Variants in LRRC75B observed in about 807,000 individuals in gnomAD.
LRRC75B encodes leucine-rich repeat-containing protein 75B.
LRRC75B carries 20 observed loss-of-function variants against 16.5 expected under a neutral mutation model. The observed-to-expected ratio is 1.21, with a 90% CI of 0.85 to 1.76. LRRC75B has a LOEUF of 1.76. LRRC75B is among the 40% of genes most tolerant of loss of function. The probability of loss-of-function intolerance (pLI) is 0.00; values close to 1 mark genes in which losing one functional copy is unlikely to be tolerated. For synonymous variants in LRRC75B, 199 were observed against 198.1 expected (o/e 1.00, Z -0.04); for missense variants, 406 against 417.0 (o/e 0.97, Z 0.23).
intron 1 of LRRC75B, among the ~76,000 whole-genome samples, chr22:24,591,667 C>T (rs537113804): frequency 2.7e-4 from 41 of 152,322 alleles, no homozygotes; most frequent in African/African-American, 9.9e-4. Context: ...AGCTAAAATG[C>T]CCAACTGGTG....
intron 1 of LRRC75B, 98 bp from the exon 2 acceptor site, chr22:24,590,047 TC>T: frequency 7.5e-7 from 1 of 1,341,012 alleles, no homozygotes; most frequent in Non-Finnish European, 9.9e-7. Context: ...CGTTCCTGTC[TC>T]TCCATCTCCT....
At chr22:24,592,784 AGCCCC>A (rs1427443990) in intron 1 of LRRC75B, 74 bp downstream of exon 1, 1 of 1,265,022 alleles carries the variant, frequency 7.9e-7, no homozygotes, top group Admixed American at 4.0e-5. Flanking sequence ...CACAACCCAT[AGCCCC>A]GCGCCTCCCA....
Position 24,593,036 on chromosome 22 carries a change from C to G in LRRC75B, c.4G>C (p.Gly2Arg), listed in dbSNP as rs1056343972. Residue 2 changes from glycine (G) to arginine (R), a missense_variant, in exon 1 of 4, where the codon GGG becomes CGG. Transcript: ENST00000318753. Reference protein sequence around the residue: MGARLGRRAGPE... With the variant: MRARLGRRAGPE... ...CCGGCCCGCCGGCCCAGCCGCGCCC[C>G]CATGGCCGCCGCGCGATGGTCGCCG... The G allele has an allele frequency of 1.3e-5, 14 of 1,048,500 alleles. No homozygotes were observed. Among genetic ancestry groups the G allele is most frequent in the African/African-American group, 1.7e-5 (1 of 58,532 alleles). The allele number at this position is 1,048,500 out of a possible 1,614,324, so 64.9% of individuals were successfully genotyped here.
At position 24,588,690 on chromosome 22, in the gene LRRC75B, G is replaced by A. The variant is rs901260699; in HGVS notation, c.307-361C>T. 8 of 1,105,060 alleles carry A rather than the reference G, an allele frequency of 7.2e-6. No homozygotes were observed. The African/African-American group carries it at 1.1e-4, about 16-fold the overall frequency. 68.5% of individuals were successfully genotyped at this position (1,105,060 alleles called of 1,614,324 possible). ...CTTCGGGGACTTGCCACAGGGGGAG[G>A]AGGCCAGACCAGGCCCCTCGAGGGA... On this transcript the variant is annotated intron_variant, in intron 2 of 3. Coordinates refer to ENST00000318753, the MANE Select transcript of LRRC75B (RefSeq NM_207644.3).
At position 24,586,162 on chromosome 22, in the gene LRRC75B, A is replaced by G; in HGVS notation, c.672T>C (p.Thr224=). 1 of 1,613,582 alleles carries G rather than the reference A, an allele frequency of 6.2e-7. No individual in the cohort carries two copies. Among genetic ancestry groups the G allele is most frequent in the South Asian group, 1.1e-5 (1 of 91,092 alleles). The change falls in exon 4 of 4, where the codon ACT becomes ACC. Residue 224 remains threonine, a synonymous_variant. Transcript: ENST00000318753. ...TGATGGCATCAGTGAGCTTGCGGGCAGTGGCCCGCGTCAGTCGGTTGCCGT... is the reference window on the plus strand; with the variant it reads ...TGATGGCATCAGTGAGCTTGCGGGCGGTGGCCCGCGTCAGTCGGTTGCCGT... The part of the protein sequence containing the change: ...LLNGNRLTRA[T]ARKLTDAIKD...
intron 1 of LRRC75B, 172 bp downstream of exon 1, chr22:24,592,691 C>A: frequency 8.4e-7 from 1 of 1,186,378 alleles, no homozygotes; most frequent in Non-Finnish European, 1.1e-6. Context: ...CAAGACCCCG[C>A]GTGCTGCAGC....
intron 3 of LRRC75B, 32 bp downstream of exon 3, chr22:24,588,182 G>A (rs1379996599): frequency 6.6e-7 from 1 of 1,520,734 alleles, no homozygotes; most frequent in Non-Finnish European, 9.1e-7. Flanking sequence ...TGGAGCAGCA[G>A]TGAGGAGGGG....
At chr22:24,592,160 AT>A in intron 1 of LRRC75B, 2 of 392,398 alleles carry the variant, frequency 5.1e-6, no homozygotes, top group Admixed American at 2.7e-5. Flanking sequence ...TGCCCAGGTG[AT>A]TGGGGGGACC....
intron 3 of LRRC75B, 28 bp from the exon 4 acceptor site, chr22:24,586,439 A>C (rs1039836722): frequency 1.3e-6 from 2 of 1,587,780 alleles, no homozygotes; most frequent in Admixed American, 1.7e-5. Context: ...GTGGGGATGG[A>C]CTAGGCAACC....
chr22:24,588,145 T>C, intron 3 of LRRC75B, 69 bp downstream of exon 3: 2 of 1,195,948 alleles, frequency 1.7e-6, no homozygotes, highest in African/African-American at 3.0e-5. Flanking sequence ...TTGGTGAGAG[T>C]GCAGGTGTCA....
At position 24,588,485 on chromosome 22, in the gene LRRC75B, C is replaced by T. The variant is rs2045468303; in HGVS notation, c.307-156G>A. On this transcript the variant is annotated intron_variant, in intron 2 of 3. Transcript: ENST00000318753. ...ACCAGGGCCTCCCCCTCCTACCCCCCAACCCGGCTGTGGCCTGGCACAGAG... is the reference window on the plus strand; with the variant it reads ...ACCAGGGCCTCCCCCTCCTACCCCCTAACCCGGCTGTGGCCTGGCACAGAG... 3 of 767,568 alleles carry T rather than the reference C, an allele frequency of 3.9e-6. No homozygotes were observed. The Admixed American group carries it at 6.8e-5, about 18-fold the overall frequency. 47.5% of individuals were successfully genotyped at this position (767,568 alleles called of 1,614,324 possible).
chr22:24,586,038 G>A lies in LRRC75B; in HGVS notation c.796C>T (p.Arg266Trp), dbSNP rs777594887. The stretch of plus-strand genomic sequence containing the variant: ...GGGAGTGAGGTGCGCTGGCTCAGCC[G>A]CCGGCGCAGGCCGACCAGCAGGGGC... ...PQPLLVGLRR[R>W]LSQRTSLPTI... The change falls in exon 4 of 4, where the codon CGG (arginine) becomes TGG (tryptophan). Residue 266 changes from arginine to tryptophan, a missense_variant. By Grantham distance (101) the Arg-to-Trp change is moderately radical (BLOSUM62 -3). Coordinates refer to ENST00000318753, the MANE Select transcript of LRRC75B (RefSeq NM_207644.3). The A allele has an allele frequency of 2.2e-5, 36 of 1,611,006 alleles. No individual in the cohort carries two copies. Among genetic ancestry groups the A allele is most frequent in the Admixed American group, 6.7e-5 (4 of 59,998 alleles).
At chr22:24,591,140 T>G (rs1409980598) in intron 1 of LRRC75B, among the ~76,000 whole-genome samples, 1 of 152,208 alleles carries the variant, frequency 6.6e-6, no homozygotes, top group Non-Finnish European at 1.5e-5. Context: ...GGCGCAGTGG[T>G]GCGAGGTCAG....
chr22:24,592,652 C>T, intron 1 of LRRC75B: 2 of 787,170 alleles, frequency 2.5e-6, no homozygotes. Flanking sequence ...ACCCAGCCCT[C>T]ACTCCAGGCG....
chr22:24,589,839 G>T lies in LRRC75B; in HGVS notation c.288C>A (p.Asp96Glu). The T allele has an allele frequency of 6.2e-7, 1 of 1,613,550 alleles. No homozygotes were observed. Among genetic ancestry groups the T allele is most frequent in the South Asian group, 1.1e-5 (1 of 90,972 alleles). ...SHDLLVNLARDLQCPKKDYEL... is the reference protein window; with the variant it reads ...SHDLLVNLARELQCPKKDYEL... ...GCCTCACCTTCTTGGGGCACTGCAG[G>T]TCCCGGGCCAGGTTCACAAGCAGGT... Residue 96 changes from aspartate (D) to glutamate (E), a missense_variant, in exon 2 of 4, where the codon GAC (aspartate) becomes GAA (glutamate). Asp to Glu is a conservative substitution (Grantham distance 45, BLOSUM62 2). Transcript: ENST00000318753.
Position 24,593,028 on chromosome 22 carries a change from C to T in LRRC75B, c.12G>A (p.Arg4=). ...CCTCGGGCCCGGCCCGCCGGCCCAG[C>T]CGCGCCCCCATGGCCGCCGCGCGAT... MGA[R]LGRRAGPEAG... The change falls in exon 1 of 4, where the codon CGG becomes CGA. Residue 4 remains arginine (R), a synonymous_variant. Transcript: ENST00000318753. 9.4e-7 allele frequency: 1 copy of T among 1,060,266 alleles called. No homozygotes were observed. Among genetic ancestry groups the T allele is most frequent in the Non-Finnish European group, 1.1e-6 (1 of 879,856 alleles). The allele number at this position is 1,060,266 out of a possible 1,614,324, so 65.7% of individuals were successfully genotyped here. A position where few individuals can be genotyped will look rare whatever the true frequency, so the allele number is the denominator to read the frequency against.
Position 24,586,000 on chromosome 22 carries a change from C to T in LRRC75B, c.834G>A (p.Glu278=). 1 of 1,610,852 alleles carries T rather than the reference C, an allele frequency of 6.2e-7. No individual in the cohort carries two copies. Among genetic ancestry groups the T allele is most frequent in the Non-Finnish European group, 8.5e-7 (1 of 1,179,870 alleles). ...TGCCCTCAGGCTCAAGGTCCAGGCC[C>T]TCGTAGATGGTGGGGAGTGAGGTGC... is the stretch of plus-strand genomic sequence containing the variant. ...SQRTSLPTIY[E]GLDLEPEGSA... The change falls in exon 4 of 4, where the codon GAG becomes GAA. Residue 278 remains glutamate (E), a synonymous_variant. Transcript: ENST00000318753.
rs115931874 is a variant in LRRC75B at position 24,588,292 on chromosome 22, C to A, written c.344G>T (p.Arg115Leu). Residue 115 changes from arginine to leucine, a missense_variant, in exon 3 of 4, where the codon CGA (arginine) becomes CTA (leucine). Transcript: ENST00000318753. ...ELWKSSDKICRQLIYHLTPHS... is the reference protein window; with the variant it reads ...ELWKSSDKICLQLIYHLTPHS... ...AGGGGTGAGGTGGTAGATGAGCTGTCGGCAGATCTTGTCCGAGGACTTCCA... is the reference window on the plus strand; with the variant it reads ...AGGGGTGAGGTGGTAGATGAGCTGTAGGCAGATCTTGTCCGAGGACTTCCA... 3,021 of 1,613,520 alleles carry A rather than the reference C, an allele frequency of 1.9e-3. 47 individuals are homozygous for A. The African/African-American group carries it at 0.035, about 19-fold the overall frequency.
At chr22:24,588,132 C>G in intron 3 of LRRC75B, 82 bp downstream of exon 3, 1 of 1,103,492 alleles carries the variant, frequency 9.1e-7, no homozygotes, top group Non-Finnish European at 1.4e-6. Context: ...CAGCACCAGC[C>G]TCTTGGTGAG....
Sources: allele counts gnomAD v4.1 joint callset (sites outside exome capture counted in the v4.1 genomes callset), GRCh38; gene constraint gnomAD v4.1.1; transcripts MANE v1.5; gene names NCBI Gene and HGNC (gene_info 2026-07-23, HGNC 2026-07-21).